The following ITPRID1 variants were observed in gnomAD, a reference collection of about 807,000 sequenced individuals.
ITPRID1 encodes protein ITPRID1.
In ITPRID1, 96 loss-of-function variants were observed where a neutral mutation model predicts 95.4. That is an observed-to-expected ratio of 1.01 (90% confidence interval 0.85 to 1.19). The LOEUF (loss-of-function observed/expected upper bound fraction) is 1.19, where lower values mean the gene tolerates loss of function less well. Ranked by LOEUF, ITPRID1 falls within the 50% of genes most tolerant of loss-of-function variation. The probability of loss-of-function intolerance (pLI) is 0.00; values close to 1 mark genes in which losing one functional copy is unlikely to be tolerated. For synonymous variants in ITPRID1, 510 were observed against 453.6 expected (o/e 1.12, Z -1.58); for missense variants, 1,339 against 1,252.9 (o/e 1.07, Z -1.04).
At chr7:31,632,229 A>G (rs1037036381) in intron 10 of ITPRID1, among the ~76,000 whole-genome samples, 6 of 152,108 alleles carry the variant, frequency 3.9e-5, no homozygotes, top group African/African-American at 1.4e-4. Flanking sequence ...CAGGTGGATC[A>G]TGAGGTCAGG....
chr7:31,536,004 T>C (rs1452399296), intron 1 of ITPRID1, among the ~76,000 whole-genome samples: 2 of 152,156 alleles, frequency 1.3e-5, no homozygotes, highest in Non-Finnish European at 2.9e-5. Flanking sequence ...CCTGGATCTG[T>C]AGTTTAATAT....
chr7:31,527,298 A>G (rs1783451544), intron 1 of ITPRID1, among the ~76,000 whole-genome samples: 1 of 152,190 alleles, frequency 6.6e-6, no homozygotes, highest in African/African-American at 2.4e-5. Context: ...CTGGTTTCCC[A>G]TTAATGGTAG....
At chr7:31,553,209 A>G (rs373006439) in intron 3 of ITPRID1, 22 bp downstream of exon 3, 650 of 1,545,200 alleles carry the variant, frequency 4.2e-4, no homozygotes, top group Non-Finnish European at 5.2e-4. Context: ...TCTCAGGCCT[A>G]TTTGAAAACA....
chr7:31,600,791 C>T lies in ITPRID1; in HGVS notation c.1228+17600C>T, dbSNP rs75130762. The stretch of plus-strand genomic sequence containing the variant: ...AGATCATACTTCACCATTTTTGTCT[C>T]TCAACATGCATGCCCAGGAAGTTGC... On this transcript the variant is annotated intron_variant, in intron 10 of 14. Transcript: ENST00000615280. Among the ~76,000 whole-genome samples, 11 of 152,244 alleles carry T rather than the reference C, an allele frequency of 7.2e-5. No individual in the cohort carries two copies. In the East Asian group the frequency reaches 2.1e-3, roughly 29 times the overall value.
At chr7:31,553,485 G>A (rs1784352110) in intron 3 of ITPRID1, among the ~76,000 whole-genome samples, 1 of 152,140 alleles carries the variant, frequency 6.6e-6, no homozygotes, top group African/African-American at 2.4e-5. Flanking sequence ...TGTGGGGTCT[G>A]GGCATGAGGC....
At chr7:31,580,443 A>G (rs1785358224) in intron 9 of ITPRID1, among the ~76,000 whole-genome samples, 1 of 152,160 alleles carries the variant, frequency 6.6e-6, no homozygotes, top group South Asian at 2.1e-4. Flanking sequence ...AGACTGATTT[A>G]GAGAAAAATA....
At chr7:31,542,356 C>T (rs976850188) in intron 1 of ITPRID1, among the ~76,000 whole-genome samples, 1 of 152,140 alleles carries the variant, frequency 6.6e-6, no homozygotes, top group Non-Finnish European at 1.5e-5. Flanking sequence ...AATTGTACAA[C>T]ATTTCTTGCA....
chr7:31,599,690 C>CTCTCTCTTTCTTTCTT (rs1180791810), intron 10 of ITPRID1, among the ~76,000 whole-genome samples: 5 of 106,714 alleles, frequency 4.7e-5, no homozygotes, highest in African/African-American at 2.2e-4. Context: ...CTCTCTCTCT[C>CTCTCTCTTTCTTTCTT]TCTTTCTTTC....
chr7:31,520,807 A>G (rs1407048773), intron 1 of ITPRID1, among the ~76,000 whole-genome samples: 1 of 152,036 alleles, frequency 6.6e-6, no homozygotes, highest in Non-Finnish European at 1.5e-5. Flanking sequence ...TGAAACTTCC[A>G]TATGTAATCA....
At chr7:31,550,224 G>A (rs895574709) in intron 2 of ITPRID1, among the ~76,000 whole-genome samples, 1 of 139,060 alleles carries the variant, frequency 7.2e-6, no homozygotes, top group Non-Finnish European at 1.5e-5. Flanking sequence ...TTGGTTAAAC[G>A]TGATACTATA....
intron 1 of ITPRID1, among the ~76,000 whole-genome samples, chr7:31,539,961 C>A (rs1050526298): frequency 6.6e-5 from 10 of 152,086 alleles, no homozygotes; most frequent in Non-Finnish European, 1.3e-4. Flanking sequence ...TATGGTCATG[C>A]TGACCTTAGC....
chr7:31,634,159 T>C (rs1459548153), intron 10 of ITPRID1, among the ~76,000 whole-genome samples: 1 of 152,134 alleles, frequency 6.6e-6, no homozygotes, highest in Non-Finnish European at 1.5e-5. Flanking sequence ...TAGGCAGAAA[T>C]GTTTCCCAAC....
intron 1 of ITPRID1, among the ~76,000 whole-genome samples, chr7:31,514,579 C>A (rs1163393453): frequency 6.6e-6 from 1 of 152,090 alleles, no homozygotes; most frequent in Non-Finnish European, 1.5e-5. Flanking sequence ...GAGAGAGAGT[C>A]CAGCAGGTAA....
chr7:31,638,841 A>ACC (rs1789733751), intron 10 of ITPRID1, among the ~76,000 whole-genome samples: 1 of 152,088 alleles, frequency 6.6e-6, no homozygotes, highest in Non-Finnish European at 1.5e-5. Flanking sequence ...GAGTGACCCA[A>ACC]TCTCAGCTTA....
chr7:31,525,288 C>T (rs913761779), intron 1 of ITPRID1, among the ~76,000 whole-genome samples: 1 of 152,174 alleles, frequency 6.6e-6, no homozygotes, highest in African/African-American at 2.4e-5. Context: ...CCATCTTTTC[C>T]TTTGTCAAAT....
chr7:31,565,705 T>G (rs1784775871), intron 5 of ITPRID1, among the ~76,000 whole-genome samples: 1 of 151,580 alleles, frequency 6.6e-6, no homozygotes, highest in Admixed American at 6.6e-5. Flanking sequence ...ACCACTGCAC[T>G]CCAGCCTGGG....
chr7:31,535,540 T>C (rs1325716223), intron 1 of ITPRID1, among the ~76,000 whole-genome samples: 4 of 152,020 alleles, frequency 2.6e-5, no homozygotes, highest in Admixed American at 6.6e-5. Flanking sequence ...GAAATAACTT[T>C]GAAGGTTTTT....
At chr7:31,637,758 A>G (rs916089440) in intron 10 of ITPRID1, among the ~76,000 whole-genome samples, 3 of 152,164 alleles carry the variant, frequency 2.0e-5, no homozygotes, top group African/African-American at 7.2e-5. Flanking sequence ...CCATTTGTCA[A>G]TTTTGGCTTT....
At chr7:31,582,707 T>G (rs774459612) in intron 9 of ITPRID1, among the ~76,000 whole-genome samples, 2 of 152,196 alleles carry the variant, frequency 1.3e-5, no homozygotes, top group Non-Finnish European at 2.9e-5. Context: ...ATAAATTTTG[T>G]TCTAGCAATT....
Sources: allele counts gnomAD v4.1 joint callset (sites outside exome capture counted in the v4.1 genomes callset), GRCh38; gene constraint gnomAD v4.1.1; transcripts MANE v1.5; gene names NCBI Gene and HGNC (gene_info 2026-07-23, HGNC 2026-07-21).